EIF4E3: variants seen among roughly 807,000 people sequenced by gnomAD.
EIF4E3 encodes the protein eukaryotic translation initiation factor 4E type 3.
Under a neutral mutation model 31.7 loss-of-function variants are expected in EIF4E3, and 26 were observed. That is an observed-to-expected ratio of 0.82 (90% CI 0.60 to 1.14). The LOEUF (loss-of-function observed/expected upper bound fraction) is 1.14. Among genes scored for constraint, EIF4E3 ranks in the 50% most tolerant of loss-of-function variants. The pLI is 0.00. For missense variants in EIF4E3, 304 were observed against 270.9 expected (o/e 1.12, Z -0.86); for synonymous variants, 128 against 107.7 (o/e 1.19, Z -1.17).
At chr3:71,702,711 TAA>T (rs34223814) in intron 2 of EIF4E3, among the ~76,000 whole-genome samples, 38 of 131,094 alleles carry the variant, frequency 2.9e-4, no homozygotes, top group Admixed American at 3.9e-4. Context: ...GTCACACCAT[TAA>T]AAAAAAAAAA....
At position 71,684,274 on chromosome 3, in the gene EIF4E3, A is replaced by G. The variant is rs1449544335; in HGVS notation, c.*408T>C. 5.8e-6 allele frequency: 1 copy of G among 173,816 alleles called. No individual in the cohort carries two copies. The highest frequency in any genetic ancestry group is 1.2e-5 in the Non-Finnish European group (1 of 80,332). 10.8% of individuals were successfully genotyped at this position (173,816 alleles called of 1,614,324 possible). On this transcript the variant is annotated 3_prime_UTR_variant, in exon 7 of 7. Transcript: ENST00000425534. ...ATTCAAAAGCAGTATTGTCACGATT[A>G]TGCATATTCTCATTAACTAGGTACA...
intron 6 of EIF4E3, among the ~76,000 whole-genome samples, chr3:71,686,055 G>A (rs889548752): frequency 4.6e-5 from 7 of 152,018 alleles, no homozygotes; most frequent in African/African-American, 1.7e-4. Flanking sequence ...CATGCTACTC[G>A]GCTCACTGCA....
At chr3:71,752,872 C>A (rs1055899422) in intron 1 of EIF4E3, among the ~76,000 whole-genome samples, 2 of 152,224 alleles carry the variant, frequency 1.3e-5, no homozygotes, top group Admixed American at 6.5e-5. Flanking sequence ...TCCTGCGAGA[C>A]AAATGCGGTG....
At chr3:71,717,137 G>A (rs932360514) in intron 1 of EIF4E3, among the ~76,000 whole-genome samples, 3 of 152,200 alleles carry the variant, frequency 2.0e-5, no homozygotes, top group South Asian at 2.1e-4. Flanking sequence ...GAACCCTGCT[G>A]CATCTTTGCC....
chr3:71,689,884 T>G, intron 6 of EIF4E3, 126 bp downstream of exon 6: 2 of 942,840 alleles, frequency 2.1e-6, no homozygotes, highest in Non-Finnish European at 2.9e-6. Context: ...ATGTATTTTG[T>G]TGAATTATTT....
chr3:71,736,064 T>C (rs2108142964), intron 1 of EIF4E3, among the ~76,000 whole-genome samples: 1 of 152,276 alleles, frequency 6.6e-6, no homozygotes. Flanking sequence ...ATGCTTAATA[T>C]CATATGTCAC....
downstream of EIF4E3, among the ~76,000 whole-genome samples, chr3:71,671,644 C>T (rs996905943): frequency 6.6e-6 from 1 of 152,164 alleles, no homozygotes; most frequent in Non-Finnish European, 1.5e-5. Flanking sequence ...TCGCCTCATT[C>T]CCTACTCTCC....
chr3:71,743,838 G>A (rs776899212), intron 1 of EIF4E3, among the ~76,000 whole-genome samples: 2 of 152,106 alleles, frequency 1.3e-5, no homozygotes, highest in Non-Finnish European at 2.9e-5. Flanking sequence ...TGACAAAGGT[G>A]CAGTAAGTTT....
At chr3:71,747,384 C>A (rs2049884982) in intron 1 of EIF4E3, among the ~76,000 whole-genome samples, 1 of 152,190 alleles carries the variant, frequency 6.6e-6, no homozygotes, top group Non-Finnish European at 1.5e-5. Context: ...ACTAATGATG[C>A]AAAGTATCTT....
intron 6 of EIF4E3, among the ~76,000 whole-genome samples, chr3:71,687,647 C>A (rs1004387969): frequency 5.9e-5 from 9 of 152,156 alleles, no homozygotes; most frequent in African/African-American, 2.2e-4. Context: ...CAGGGTGGGG[C>A]TGGTCAGTGA....
chr3:71,750,003 T>C (rs1382496225), intron 1 of EIF4E3, among the ~76,000 whole-genome samples: 1 of 152,226 alleles, frequency 6.6e-6, no homozygotes, highest in Non-Finnish European at 1.5e-5. Flanking sequence ...AACCATGATT[T>C]ATGTATTTTC....
Position 71,681,496 on chromosome 3 carries a change from G to A in EIF4E3, c.*3186C>T, listed in dbSNP as rs2048922991. On this transcript the variant is annotated 3_prime_UTR_variant, in exon 7 of 7. Transcript: ENST00000425534. ...TCTGAGAGGGAGAGGGAGAGAAGGAGGAGCTGTTTACAAACAGGATGTCTG... is the reference window on the plus strand; with the variant it reads ...TCTGAGAGGGAGAGGGAGAGAAGGAAGAGCTGTTTACAAACAGGATGTCTG... 1 of 152,310 alleles carries A rather than the reference G, an allele frequency of 6.6e-6. No individual in the cohort carries two copies. 9.4% of individuals were successfully genotyped at this position (152,310 alleles called of 1,614,324 possible). A position where few individuals can be genotyped will look rare whatever the true frequency, so the allele number is the denominator to read the frequency against.
chr3:71,724,293 A>C (rs1160765372), intron 1 of EIF4E3, among the ~76,000 whole-genome samples: 1 of 152,226 alleles, frequency 6.6e-6, no homozygotes, highest in Admixed American at 6.5e-5. Flanking sequence ...TTCTAGGTCC[A>C]AAATGTCCAA....
chr3:71,743,432 G>C (rs897587872), intron 1 of EIF4E3, among the ~76,000 whole-genome samples: 1 of 152,022 alleles, frequency 6.6e-6, no homozygotes, highest in Non-Finnish European at 1.5e-5. Flanking sequence ...AGATATACAA[G>C]AACTATACAC....
chr3:71,712,852 CAAAAA>C (rs11403409), intron 1 of EIF4E3, among the ~76,000 whole-genome samples: 3 of 121,232 alleles, frequency 2.5e-5, no homozygotes, highest in African/African-American at 3.1e-5. Context: ...TAACCTAGAC[CAAAAA>C]AAAAAAAAAA....
intron 1 of EIF4E3, among the ~76,000 whole-genome samples, chr3:71,742,415 T>C (rs11923609): frequency 0.018 from 2,814 of 152,134 alleles, 81 homozygotes; most frequent in African/African-American, 0.065. Flanking sequence ...TTTAAAGACA[T>C]AAACCACCAA....
At chr3:71,723,735 GC>G (rs1237585458) in intron 1 of EIF4E3, among the ~76,000 whole-genome samples, 1 of 152,196 alleles carries the variant, frequency 6.6e-6, no homozygotes, top group Non-Finnish European at 1.5e-5. Context: ...CACAGTTGCA[GC>G]ACACCTATGA....
intron 1 of EIF4E3, among the ~76,000 whole-genome samples, chr3:71,711,659 C>T (rs72951211): frequency 0.15 from 23,138 of 152,114 alleles, 1,900 homozygotes; most frequent in East Asian, 0.37. Context: ...TGAATGCTCC[C>T]TAAGAGTTGA....
At chr3:71,728,862 A>C (rs2049670545), upstream of EIF4E3, 1 of 152,180 alleles carries the variant, frequency 6.6e-6, no homozygotes, top group Admixed American at 6.5e-5. Flanking sequence ...TCATTTTCCA[A>C]ATGAGAAAAG....
Sources: allele counts gnomAD v4.1 joint callset (sites outside exome capture counted in the v4.1 genomes callset), GRCh38; gene constraint gnomAD v4.1.1; transcripts MANE v1.5; gene names NCBI Gene and HGNC (gene_info 2026-07-23, HGNC 2026-07-21).